Variants in SMAD3 observed in about 807,000 individuals in gnomAD.
The protein encoded by SMAD3 is SMAD family member 3, also known as MAD homolog 3.
SMAD3 carries 12 observed loss-of-function variants against 51.8 expected under a neutral mutation model. The observed-to-expected ratio is 0.23, with a 90% CI of 0.15 to 0.38. The LOEUF (loss-of-function observed/expected upper bound fraction) is 0.38. Among genes scored for constraint, SMAD3 ranks in the 10% least tolerant of loss-of-function variants. The pLI, the probability that SMAD3 is intolerant of heterozygous loss-of-function variation, is 1.00. For synonymous variants in SMAD3, 238 were observed against 227.7 expected (o/e 1.05, Z -0.41); for missense variants, 294 against 565.6 (o/e 0.52, Z 4.87).
At chr15:67,182,739 G>A (rs894940607) in intron 6 of SMAD3, among the ~76,000 whole-genome samples, 3 of 151,856 alleles carry the variant, frequency 2.0e-5, no homozygotes, top group Admixed American at 2.0e-4. Context: ...CATTGTCAGT[G>A]ACAGACAGCC....
chr15:67,150,583 C>T (rs545666436), intron 1 of SMAD3, among the ~76,000 whole-genome samples: 20 of 152,230 alleles, frequency 1.3e-4, no homozygotes, highest in African/African-American at 4.3e-4. Context: ...CTGCAGGAGG[C>T]GGGAGGCTGG....
intron 1 of SMAD3, among the ~76,000 whole-genome samples, chr15:67,107,504 C>T (rs1960905215): frequency 6.6e-6 from 1 of 152,306 alleles, no homozygotes; most frequent in African/African-American, 2.4e-5. Flanking sequence ...TCTGTGGTCA[C>T]CTGCAGGCAG....
At chr15:67,185,061 G>T (rs534721618) in intron 7 of SMAD3, among the ~76,000 whole-genome samples, 197 bp downstream of exon 7, 7 of 152,366 alleles carry the variant, frequency 4.6e-5, no homozygotes, top group African/African-American at 1.7e-4. Context: ...AGCAGATGTA[G>T]CATCTGATAG....
At position 67,192,726 on chromosome 15, in the gene SMAD3, T is replaced by A. The variant is rs1027289671; in HGVS notation, c.*2190T>A. ...GCACAGCCTGATTCTGGTGATCCAG[T>A]GATCTATGGAAGTCGTGTCTTACTC... On this transcript the variant is annotated 3_prime_UTR_variant, in exon 9 of 9. Coordinates refer to ENST00000327367, the MANE Select transcript of SMAD3 (RefSeq NM_005902.4). 1.3e-5 allele frequency: 3 copies of A among 233,006 alleles called. 1 individual carries two copies. The South Asian group carries it at 5.4e-4, about 42-fold the overall frequency. The allele number at this position is 233,006 out of a possible 1,614,324, so 14.4% of individuals were successfully genotyped here. A position where few individuals can be genotyped will look rare whatever the true frequency, so the allele number is the denominator to read the frequency against.
At chr15:67,135,370 G>A (rs1961633041) in intron 1 of SMAD3, among the ~76,000 whole-genome samples, 1 of 152,240 alleles carries the variant, frequency 6.6e-6, no homozygotes, top group South Asian at 2.1e-4. Context: ...CTGTGGGCCA[G>A]TGGCTTTGCC....
chr15:67,165,502 G>A lies in SMAD3; in HGVS notation c.532+118G>A, dbSNP rs56336520. 0.03 allele frequency: 38,179 copies of A among 1,271,532 alleles called. 688 individuals carry two copies. Among genetic ancestry groups the A allele is most frequent in the Non-Finnish European group, 0.035 (31,061 of 899,466 alleles). The allele number at this position is 1,271,532 out of a possible 1,614,324, so 78.8% of individuals were successfully genotyped here. The stretch of plus-strand genomic sequence containing the variant: ...CGTCCCCCGCTCACCCCCTCTTTGC[G>A]CACAGCTCTGGCCTGAGGGCCCCTG... On this transcript the variant is annotated intron_variant, in intron 3 of 8. Transcript: ENST00000327367.
At chr15:67,117,956 G>A (rs549511080) in intron 1 of SMAD3, among the ~76,000 whole-genome samples, 1 of 152,336 alleles carries the variant, frequency 6.6e-6, no homozygotes, top group South Asian at 2.1e-4. Flanking sequence ...GCCGGGCGTG[G>A]TGACGGGTGC....
intron 1 of SMAD3, chr15:67,077,892 C>T (rs894849364): frequency 6.6e-6 from 1 of 152,250 alleles, no homozygotes; most frequent in African/African-American, 2.4e-5. Context: ...AAACTTCGTA[C>T]TTTGTGTTTG....
chr15:67,137,534 A>G (rs1048781304), intron 1 of SMAD3, among the ~76,000 whole-genome samples: 1 of 152,080 alleles, frequency 6.6e-6, no homozygotes, highest in Non-Finnish European at 1.5e-5. Flanking sequence ...GGATTCTTTC[A>G]TCAGTTTTTG....
chr15:67,149,786 AAAC>A (rs1962079707), intron 1 of SMAD3, among the ~76,000 whole-genome samples: 2 of 152,228 alleles, frequency 1.3e-5, no homozygotes. Context: ...TTTGGGATGG[AAAC>A]TGCTTATATA....
At chr15:67,119,539 G>A (rs1453237505) in intron 1 of SMAD3, among the ~76,000 whole-genome samples, 1 of 152,218 alleles carries the variant, frequency 6.6e-6, no homozygotes, top group East Asian at 1.9e-4. Context: ...TGCTTTCAGA[G>A]GCCAAGTGAG....
At position 67,104,832 on chromosome 15, in the gene SMAD3, T is replaced by C. The variant is rs569677023; in HGVS notation, c.206+38472T>C. On this transcript the variant is annotated intron_variant, in intron 1 of 8. Transcript: ENST00000327367. Reference sequence around the variant, plus strand: ...ACTGCATTGCAGGAATGAAGCCGTTTCCATTAAGAACTGGGGTCTATGTCC... The same window carrying C: ...ACTGCATTGCAGGAATGAAGCCGTTCCCATTAAGAACTGGGGTCTATGTCC... Among the ~76,000 whole-genome samples the C allele has an allele frequency of 8.5e-5, 13 of 152,394 alleles. No homozygotes were observed. In the South Asian group the frequency reaches 2.7e-3, roughly 32 times the overall value.
chr15:67,120,055 C>T (rs1201957440), intron 1 of SMAD3, among the ~76,000 whole-genome samples: 1 of 152,220 alleles, frequency 6.6e-6, no homozygotes, highest in Non-Finnish European at 1.5e-5. Context: ...CCTTGGCCTC[C>T]CAAAGTGCTG....
intron 1 of SMAD3, chr15:67,098,814 G>A: frequency 2.9e-6 from 2 of 694,288 alleles, no homozygotes; most frequent in Non-Finnish European, 5.3e-6. Flanking sequence ...CCCAGCGGGG[G>A]TCTGAGGGCC....
intron 1 of SMAD3, among the ~76,000 whole-genome samples, chr15:67,097,432 C>CA (rs1960638494): frequency 6.6e-6 from 1 of 151,940 alleles, no homozygotes; most frequent in Non-Finnish European, 1.5e-5. Context: ...TTTGTAGAAA[C>CA]AGAGTTTCAC....
intron 1 of SMAD3, chr15:67,125,885 A>G: frequency 1.0e-6 from 1 of 985,508 alleles, no homozygotes; most frequent in Non-Finnish European, 1.2e-6. Context: ...CTTCACCAGG[A>G]ACCCCACACG....
At chr15:67,176,997 C>G (rs1470003) in intron 5 of SMAD3, among the ~76,000 whole-genome samples, 60,391 of 152,134 alleles carry the variant, frequency 0.4, 12,847 homozygotes, top group Middle Eastern at 0.5. Context: ...CACCTTACCC[C>G]CCGTAGTCAT....
intron 1 of SMAD3, among the ~76,000 whole-genome samples, chr15:67,138,685 A>G (rs1045852590): frequency 1.3e-5 from 2 of 152,122 alleles, no homozygotes; most frequent in African/African-American, 4.8e-5. Flanking sequence ...TCACATGGCT[A>G]TTTGTATATA....
chr15:67,142,585 C>A, intron 1 of SMAD3: 1 of 232,854 alleles, frequency 4.3e-6, no homozygotes, highest in Non-Finnish European at 8.9e-6. Context: ...GTCCCCTGAT[C>A]TGTACCCCAC....
Sources: allele counts gnomAD v4.1 joint callset (sites outside exome capture counted in the v4.1 genomes callset), GRCh38; gene constraint gnomAD v4.1.1; transcripts MANE v1.5; gene names NCBI Gene and HGNC (gene_info 2026-07-23, HGNC 2026-07-21).